MACROD2: variants seen among roughly 807,000 people sequenced by gnomAD.
MACROD2 encodes ADP-ribose glycohydrolase MACROD2.
A neutral mutation model predicts 70.4 loss-of-function variants in MACROD2; 36 were observed. The ratio of observed to expected loss-of-function variants is 0.51; its 90% CI spans 0.39 to 0.68. The LOEUF is 0.68. Among genes scored for constraint, MACROD2 ranks in the 30% least tolerant of loss-of-function variants. The pLI, the probability that MACROD2 is intolerant of heterozygous loss-of-function variation, is 0.00. For synonymous variants in MACROD2, 172 were observed against 178.8 expected (o/e 0.96, Z 0.30); for missense variants, 496 against 538.4 (o/e 0.92, Z 0.78).
At chr20:15,391,551 G>T (rs2045792233) in intron 6 of MACROD2, among the ~76,000 whole-genome samples, 2 of 152,210 alleles carry the variant, frequency 1.3e-5, no homozygotes, top group Admixed American at 6.5e-5. Flanking sequence ...TCTTATGGAA[G>T]TTTATAAGGA....
intron 5 of MACROD2, among the ~76,000 whole-genome samples, chr20:14,780,883 C>G (rs970962043): frequency 2.0e-5 from 3 of 151,986 alleles, no homozygotes; most frequent in Non-Finnish European, 2.9e-5. Flanking sequence ...AATACTAAAA[C>G]TTTTACAAAG....
chr20:15,365,483 A>G (rs1600299535), intron 6 of MACROD2, among the ~76,000 whole-genome samples: 1 of 152,122 alleles, frequency 6.6e-6, no homozygotes, highest in Non-Finnish European at 1.5e-5. Flanking sequence ...GGCTAACAGG[A>G]TGAAACCCTG....
At chr20:14,926,095 T>A (rs948260233) in intron 5 of MACROD2, among the ~76,000 whole-genome samples, 1 of 152,208 alleles carries the variant, frequency 6.6e-6, no homozygotes, top group Non-Finnish European at 1.5e-5. Context: ...GGTAGCCTCT[T>A]GATGGATATT....
rs148121942 is a variant in MACROD2 at position 14,620,028 on chromosome 20, G to T, written c.302-64815G>T. On this transcript the variant is annotated intron_variant, in intron 4 of 17. Transcript: ENST00000684519. ...CCTGACATTTGTCACTTTGAGACAG[G>T]AAGTAGGCTGGAAGAGGAATGTGTC... Among the ~76,000 whole-genome samples, 185 of 152,258 alleles carry T rather than the reference G, an allele frequency of 1.2e-3. 2 individuals carry two copies. The highest frequency in any genetic ancestry group is 1.9e-3 in the Non-Finnish European group (126 of 67,996).
chr20:15,761,814 C>A (rs73897889), intron 8 of MACROD2, among the ~76,000 whole-genome samples: 6,095 of 152,226 alleles, frequency 0.04, 327 homozygotes, highest in African/African-American at 0.12. Context: ...TAATGCCTGC[C>A]AAAGCAAAGC....
intron 6 of MACROD2, among the ~76,000 whole-genome samples, chr20:15,315,645 C>T (rs1023132483): frequency 6.6e-6 from 1 of 152,076 alleles, no homozygotes; most frequent in South Asian, 2.1e-4. Flanking sequence ...TACAGATGGA[C>T]AAAATCTGAG....
rs552889019 is a variant in MACROD2, at chr20:14,901,144, G to C, written c.418+216185G>C. Among the ~76,000 whole-genome samples, 12 of 152,114 alleles carry C rather than the reference G, an allele frequency of 7.9e-5. 1 individual carries two copies. In the South Asian group the frequency reaches 1.2e-3, roughly 16 times the overall value. ...ATTTCAAGACATCTGATGGAAGATA[G>C]TATTATTCTATAATAAAATATTTTA... On this transcript the variant is annotated intron_variant, in intron 5 of 17. Transcript: ENST00000684519.
Position 15,268,808 on chromosome 20 carries a change from T to C in MACROD2, c.540+38747T>C, listed in dbSNP as rs564388163. Among the ~76,000 whole-genome samples the C allele has an allele frequency of 2.0e-5, 3 of 152,266 alleles. No homozygotes were observed. In the East Asian group the frequency reaches 5.8e-4, roughly 29 times the overall value. On this transcript the variant is annotated intron_variant, in intron 6 of 17. Coordinates refer to ENST00000684519, the MANE Select transcript of MACROD2 (RefSeq NM_001351661.2). ...ATGAGTTAACTAATGAACAAATAAA[T>C]GCATGATTGACCTTCCTTCCTTCAG... is the stretch of plus-strand genomic sequence containing the variant.
At chr20:16,028,898 G>A (rs1391787883) in intron 15 of MACROD2, among the ~76,000 whole-genome samples, 1 of 152,188 alleles carries the variant, frequency 6.6e-6, no homozygotes. Flanking sequence ...AAAGAAGCAT[G>A]GACTAAGTGT....
chr20:15,159,144 A>G (rs1284443637), intron 5 of MACROD2, among the ~76,000 whole-genome samples: 2 of 152,158 alleles, frequency 1.3e-5, no homozygotes, highest in African/African-American at 4.8e-5. Context: ...CCTATTAATC[A>G]TAGAATACAA....
Position 14,010,376 on chromosome 20 carries a change from CAG to C in MACROD2, c.163+7973_163+7974del, listed in dbSNP as rs1569113446. On this transcript the variant is annotated intron_variant, in intron 2 of 17. Transcript: ENST00000684519. Reference sequence around the variant, plus strand: ...GGGGGGCTGGTTGGTCCTGCTGTCTCAGGGGTGGCAAAGGCAGAAAAGGTAGA... The same window carrying C: ...GGGGGGCTGGTTGGTCCTGCTGTCTCGGGTGGCAAAGGCAGAAAAGGTAGA... 3.9e-5 allele frequency among the ~76,000 whole-genome samples: 6 copies of C among 152,066 alleles called. 1 individual carries two copies. In the South Asian group the frequency reaches 6.2e-4, roughly 16 times the overall value.
intron 7 of MACROD2, among the ~76,000 whole-genome samples, chr20:15,453,962 T>C (rs948279689): frequency 6.6e-6 from 1 of 152,146 alleles, no homozygotes; most frequent in Non-Finnish European, 1.5e-5. Context: ...AGCCATGGGC[T>C]TTTTAACATT....
chr20:15,759,425 C>T (rs983264259), intron 8 of MACROD2, among the ~76,000 whole-genome samples: 1 of 152,118 alleles, frequency 6.6e-6, no homozygotes, highest in Non-Finnish European at 1.5e-5. Context: ...ACGTTGGACA[C>T]CAAAAACGTT....
chr20:14,509,987 T>G (rs552582162), intron 4 of MACROD2, among the ~76,000 whole-genome samples: 1 of 152,170 alleles, frequency 6.6e-6, no homozygotes, highest in South Asian at 2.1e-4. Context: ...ATATTTATAT[T>G]CCCTTTTAAA....
In MACROD2 at chr20:14,673,157, G is replaced by T. The variant is rs114366334; in HGVS notation, c.302-11686G>T. ...TTCAATGCAGACTTTTAAGGGTGGG[G>T]ACTCTTCCTTTTTGGATATTTGATT... On this transcript the variant is annotated intron_variant, in intron 4 of 17. Transcript: ENST00000684519. 5.1e-3 allele frequency among the ~76,000 whole-genome samples: 781 copies of T among 152,302 alleles called. 10 individuals are homozygous for T. Among genetic ancestry groups the T allele is most frequent in the African/African-American group, 0.018 (730 of 41,564 alleles).
chr20:15,408,434 T>C (rs1161492376), intron 6 of MACROD2, among the ~76,000 whole-genome samples: 2 of 152,236 alleles, frequency 1.3e-5, no homozygotes, highest in Non-Finnish European at 2.9e-5. Flanking sequence ...TAAAAATGCA[T>C]GTTTCTATAC....
At chr20:14,837,648 T>C (rs1024470499) in intron 5 of MACROD2, among the ~76,000 whole-genome samples, 7 of 152,054 alleles carry the variant, frequency 4.6e-5, no homozygotes, top group Non-Finnish European at 7.4e-5. Flanking sequence ...TTTAATGATA[T>C]TGACCAGTCA....
intron 8 of MACROD2, among the ~76,000 whole-genome samples, chr20:15,525,161 T>C (rs1475889923): frequency 6.6e-6 from 1 of 152,222 alleles, no homozygotes; most frequent in African/African-American, 2.4e-5. Context: ...TGATGATGTT[T>C]GGTCACCAAA....
chr20:15,769,217 A>T (rs938179738), intron 8 of MACROD2, among the ~76,000 whole-genome samples: 2 of 152,108 alleles, frequency 1.3e-5, no homozygotes, highest in Admixed American at 6.5e-5. Flanking sequence ...GTGCAATCTC[A>T]GCTCACTGCA....
Sources: gnomAD v4.1 joint callset for allele counts (sites outside exome capture counted in the v4.1 genomes callset) on GRCh38, gnomAD v4.1.1 for gene constraint, MANE v1.5 for transcripts, NCBI Gene and HGNC (gene_info 2026-07-23, HGNC 2026-07-21) for gene names.